The following DRD3 variants were observed in gnomAD, a reference collection of about 807,000 sequenced individuals.
The protein encoded by DRD3 is D(3) dopamine receptor.
Under a neutral mutation model 36.3 loss-of-function variants are expected in DRD3, and 19 were observed. The observed-to-expected ratio is 0.52, with a 90% confidence interval of 0.36 to 0.77. DRD3 has a LOEUF of 0.77. Ranked by LOEUF, DRD3 falls within the 30% of genes least tolerant of loss-of-function variation. The pLI is 0.00. For missense variants in DRD3, 465 were observed against 505.3 expected (o/e 0.92, Z 0.77); for synonymous variants, 195 against 203.7 (o/e 0.96, Z 0.36).
intron 2 of DRD3, 21 bp from the exon 3 acceptor site, chr3:114,159,888 T>C: frequency 1.9e-6 from 3 of 1,608,822 alleles, no homozygotes; most frequent in Non-Finnish European, 2.6e-6. Context: ...GAGACAAGGA[T>C]GTTAGTGTTT....
At chr3:114,160,373 A>G (rs542587772) in intron 2 of DRD3, among the ~76,000 whole-genome samples, 1 of 152,172 alleles carries the variant, frequency 6.6e-6, no homozygotes, top group South Asian at 2.1e-4. Context: ...CAGCCTCCCA[A>G]GTAGTTGGGA....
At chr3:114,176,675 G>A (rs955588576) in intron 1 of DRD3, among the ~76,000 whole-genome samples, 11 of 151,946 alleles carry the variant, frequency 7.2e-5, no homozygotes, top group Non-Finnish European at 1.3e-4. Flanking sequence ...AGAACAAAAC[G>A]CTTCAGTAAC....
intron 6 of DRD3, among the ~76,000 whole-genome samples, chr3:114,130,645 G>A (rs937075511): frequency 5.3e-5 from 8 of 151,960 alleles, no homozygotes; most frequent in African/African-American, 1.5e-4. Context: ...GGATGGTCTC[G>A]ATCTCCTGAC....
chr3:114,192,736 G>T (rs565103625), intron 1 of DRD3, among the ~76,000 whole-genome samples: 30 of 152,254 alleles, frequency 2.0e-4, no homozygotes, highest in African/African-American at 7.2e-4. Flanking sequence ...ATTGTCAATG[G>T]AACAGTCTCC....
chr3:114,178,352 A>G (rs2077921304), intron 1 of DRD3, among the ~76,000 whole-genome samples: 1 of 152,216 alleles, frequency 6.6e-6, no homozygotes, highest in African/African-American at 2.4e-5. Context: ...ACTTCCATAC[A>G]AATCCTAGAA....
In DRD3 at chr3:114,169,641, C is replaced by T. The variant is rs541210390; in HGVS notation, c.270+2082G>A. Among the ~76,000 whole-genome samples, 19 of 152,148 alleles carry T rather than the reference C, an allele frequency of 1.2e-4. No homozygotes were observed. The East Asian group carries it at 3.7e-3, about 30-fold the overall frequency. On this transcript the variant is annotated intron_variant, in intron 2 of 6. Coordinates refer to ENST00000383673, the MANE Select transcript of DRD3 (RefSeq NM_000796.6). Reference sequence around the variant, plus strand: ...TCTCATGGAAGAAAACCTATATGTACTACTACAGTGATTTCTTTAAGGCCT... The same window carrying T: ...TCTCATGGAAGAAAACCTATATGTATTACTACAGTGATTTCTTTAAGGCCT...
intron 5 of DRD3, 146 bp downstream of exon 5, chr3:114,139,354 C>G: frequency 1.3e-6 from 1 of 762,018 alleles, no homozygotes; most frequent in Non-Finnish European, 2.1e-6. Context: ...ACCTTCAAAG[C>G]GCAGCCAAAA....
intron 1 of DRD3, among the ~76,000 whole-genome samples, chr3:114,197,612 G>GT (rs2078044612): frequency 6.6e-6 from 1 of 151,924 alleles, no homozygotes; most frequent in Non-Finnish European, 1.5e-5. Context: ...TTTTGAGTTT[G>GT]TTTTTGTTTA....
At chr3:114,193,417 A>G (rs1332230052) in intron 1 of DRD3, among the ~76,000 whole-genome samples, 1 of 152,220 alleles carries the variant, frequency 6.6e-6, no homozygotes, top group Non-Finnish European at 1.5e-5. Flanking sequence ...AGGCAAGCCA[A>G]CAGTTGAATG....
chr3:114,197,355 A>G (rs62268961), intron 1 of DRD3, among the ~76,000 whole-genome samples: 21,548 of 145,058 alleles, frequency 0.15, 1,877 homozygotes, highest in Admixed American at 0.25. Flanking sequence ...TCCTGGCCTC[A>G]AACAATCTCC....
At chr3:114,147,276 G>T (rs1265451218) in intron 4 of DRD3, 139 bp downstream of exon 4, 2 of 1,096,534 alleles carry the variant, frequency 1.8e-6, no homozygotes, top group Non-Finnish European at 2.6e-6. Flanking sequence ...CCAAAGCTTT[G>T]CATTCTGTGG....
At chr3:114,177,699 T>C (rs557057624) in intron 1 of DRD3, among the ~76,000 whole-genome samples, 2 of 152,306 alleles carry the variant, frequency 1.3e-5, no homozygotes, top group East Asian at 3.9e-4. Flanking sequence ...TTTTCCTTGC[T>C]CAATACCCTT....
chr3:114,171,876 G>T lies in DRD3; in HGVS notation c.117C>A (p.Leu39=). The T allele has an allele frequency of 6.2e-7, 1 of 1,613,660 alleles. No individual in the cohort carries two copies. Among genetic ancestry groups the T allele is most frequent in the Non-Finnish European group, 8.5e-7 (1 of 1,179,734 alleles). ...CATTGCCGAAGACGATGGCCAGGAT[G>T]AGCGCGCAGTAGGAGAGGGCATAGT... ...HAYYALSYCA[L]ILAIVFGNGL... The change falls in exon 2 of 7, where the codon CTC becomes CTA. Residue 39 remains leucine (L), a synonymous_variant. Transcript: ENST00000383673.
chr3:114,129,186 T>TA (rs763005356), intron 6 of DRD3, among the ~76,000 whole-genome samples: 28 of 152,016 alleles, frequency 1.8e-4, no homozygotes, highest in Non-Finnish European at 3.2e-4. Flanking sequence ...CTACTAAAAA[T>TA]ACAAAAATTA....
At chr3:114,162,525 A>G (rs1339019415) in intron 2 of DRD3, among the ~76,000 whole-genome samples, 1 of 152,244 alleles carries the variant, frequency 6.6e-6, no homozygotes, top group Non-Finnish European at 1.5e-5. Context: ...ATAATCTGTC[A>G]TAATAATAGC....
chr3:114,172,285 A>T (rs1276648438), intron 1 of DRD3, among the ~76,000 whole-genome samples: 1 of 152,216 alleles, frequency 6.6e-6, no homozygotes, highest in East Asian at 1.9e-4. Context: ...CAATAATGAT[A>T]CGTATATTGG....
At chr3:114,156,348 C>T (rs1294791863) in intron 3 of DRD3, among the ~76,000 whole-genome samples, 2 of 152,164 alleles carry the variant, frequency 1.3e-5, no homozygotes, top group African/African-American at 4.8e-5. Flanking sequence ...AGCACCAAAT[C>T]GTCTCGACAT....
chr3:114,162,551 G>A (rs1024789095), intron 2 of DRD3, among the ~76,000 whole-genome samples: 5 of 152,166 alleles, frequency 3.3e-5, no homozygotes, highest in Non-Finnish European at 5.9e-5. Flanking sequence ...TTTATTGAAC[G>A]CTTACTAAGT....
At chr3:114,187,677 A>C (rs2077982975) in intron 1 of DRD3, among the ~76,000 whole-genome samples, 1 of 152,202 alleles carries the variant, frequency 6.6e-6, no homozygotes. Context: ...ATTTGGTATC[A>C]CTAGAACTCT....
Sources: allele counts gnomAD v4.1 joint callset (sites outside exome capture counted in the v4.1 genomes callset), GRCh38; gene constraint gnomAD v4.1.1; transcripts MANE v1.5; gene names NCBI Gene and HGNC (gene_info 2026-07-23, HGNC 2026-07-21).